The following IP6K3 variants were observed in gnomAD, a reference collection of about 807,000 sequenced individuals.
The protein encoded by IP6K3 is ATP:1D-myo-inositol-hexakisphosphate phosphotransferase.
A neutral mutation model predicts 28.8 loss-of-function variants in IP6K3; 20 were observed. The observed-to-expected ratio is 0.70, with a 90% CI of 0.49 to 1.01. The LOEUF (loss-of-function observed/expected upper bound fraction) is 1.01. IP6K3 is among the 50% of genes least tolerant of loss of function. The probability of loss-of-function intolerance (pLI) is 0.00; values close to 1 mark genes in which losing one functional copy is unlikely to be tolerated. For synonymous variants in IP6K3, 213 were observed against 221.3 expected (o/e 0.96, Z 0.33); for missense variants, 480 against 537.1 (o/e 0.89, Z 1.05).
At chr6:33,729,486 G>C (rs1766241705) in intron 2 of IP6K3, among the ~76,000 whole-genome samples, 2 of 152,152 alleles carry the variant, frequency 1.3e-5, no homozygotes, top group South Asian at 4.1e-4. Flanking sequence ...TTTGCCCAGT[G>C]GGGGGCACTG....
At chr6:33,743,965 C>T (rs1393795488) in intron 1 of IP6K3, among the ~76,000 whole-genome samples, 1 of 151,966 alleles carries the variant, frequency 6.6e-6, no homozygotes, top group Non-Finnish European at 1.5e-5. Context: ...ACCCTTCAGC[C>T]ACTGACAAAT....
At position 33,746,385 on chromosome 6, in the gene IP6K3, C is replaced by T. The variant is rs904822914; in HGVS notation, c.-180+373G>A. Among the ~76,000 whole-genome samples the T allele has an allele frequency of 1.3e-5, 2 of 152,126 alleles. No individual in the cohort carries two copies. The highest frequency in any genetic ancestry group is 2.9e-5 in the Non-Finnish European group (2 of 68,012). ...GCCTCTGTTAAGGGTTAACGCAGCC[C>T]CCGGTACTTGCCCCTCCCCCCAGCT... On this transcript the variant is annotated intron_variant, in intron 1 of 5. Transcript: ENST00000293756. This position sits in a 1 kb window ranked among gnomAD's most constrained non-coding sequence, Gnocchi z 6.5.
chr6:33,735,510 C>T lies in IP6K3; in HGVS notation c.-34G>A, dbSNP rs761545152. On this transcript the variant is annotated 5_prime_UTR_variant, in exon 2 of 6. In the 5' UTR this introduces an upstream ATG that the reference lacks. Transcript: ENST00000293756. ...ATGGTGGTGGTGGGGGGTCCCTGCA[C>T]AGTCTGCTAGAGGAAGGTTTGAAGT... The T allele has an allele frequency of 5.6e-6, 9 of 1,598,184 alleles. No homozygotes were observed. The South Asian group carries it at 1.0e-4, about 18-fold the overall frequency.
intron 1 of IP6K3, among the ~76,000 whole-genome samples, chr6:33,740,126 A>G (rs555405050): frequency 1.3e-5 from 2 of 152,224 alleles, no homozygotes; most frequent in African/African-American, 4.8e-5. Flanking sequence ...TTCAGCCCAC[A>G]TCTCCTCCCA....
intron 4 of IP6K3, among the ~76,000 whole-genome samples, chr6:33,725,857 T>C (rs993392465): frequency 6.6e-6 from 1 of 152,236 alleles, no homozygotes; most frequent in Non-Finnish European, 1.5e-5. Context: ...AGCTTTTTTT[T>C]CCTTTTACAT....
the IP6K3 span, among the ~76,000 whole-genome samples, chr6:33,756,867 T>G: frequency 6.6e-6 from 1 of 152,230 alleles, no homozygotes; most frequent in Non-Finnish European, 1.5e-5. Flanking sequence ...CTGCTGTGTT[T>G]GCAACACCGT....
rs369916301 is a variant in IP6K3, at chr6:33,726,842, C to T, written c.478G>A (p.Asp160Asn). The change falls in exon 4 of 6, where the codon GAC becomes AAC. Residue 160 changes from aspartate (D) to asparagine (N), a missense_variant. Physicochemically the swap from Asp to Asn is conservative, Grantham distance 23. Coordinates refer to ENST00000293756, the MANE Select transcript of IP6K3 (RefSeq NM_054111.5). ...CTCTCAACCTGGTTTCCGTTGGTGTCTTCCACCAGCGAGAAGGCTGGAGTG... is the reference window on the plus strand; with the variant it reads ...CTCTCAACCTGGTTTCCGTTGGTGTTTTCCACCAGCGAGAAGGCTGGAGTG... ...LNTPAFSLVE[D>N]TNGNQVERKS... is the part of the protein sequence containing the mutation. 1.2e-6 allele frequency: 2 copies of T among 1,613,500 alleles called. No homozygotes were observed. The highest frequency in any genetic ancestry group is 2.7e-5 in the African/African-American group (2 of 75,048).
chr6:33,748,086 A>G (rs1273849752), upstream of IP6K3, among the ~76,000 whole-genome samples: 3 of 152,068 alleles, frequency 2.0e-5, no homozygotes, highest in East Asian at 5.8e-4. Flanking sequence ...CTGGTGCCCC[A>G]CCTGCCTTTC....
chr6:33,751,739 C>T (rs1301977887), upstream of IP6K3, among the ~76,000 whole-genome samples: 1 of 152,168 alleles, frequency 6.6e-6, no homozygotes, highest in Non-Finnish European at 1.5e-5. The surrounding 1 kb of genome is among the most constrained non-coding windows in gnomAD (Gnocchi z 4.3). Context: ...GAATCTGGGG[C>T]CCCCACTCCT....
intron 1 of IP6K3, among the ~76,000 whole-genome samples, chr6:33,740,413 A>C (rs509539): frequency 0.52 from 79,115 of 152,196 alleles, 21,766 homozygotes; most frequent in African/African-American, 0.66. Context: ...TGGGGCGCAG[A>C]CACCGAGCTG....
In IP6K3 at chr6:33,726,767, G is replaced by A. The variant is rs371705640; in HGVS notation, c.553C>T (p.Arg185Cys). The A allele has an allele frequency of 2.2e-5, 36 of 1,604,230 alleles. No individual in the cohort carries two copies. The Admixed American group carries it at 2.8e-4, about 13-fold the overall frequency. ...GLQCHQAHLTRLCSEYPENKR... is the reference protein window; with the variant it reads ...GLQCHQAHLTCLCSEYPENKR... ...TTCTCTGGGTACTCGGAGCACAGGC[G>A]GGTCAGGTGGGCCTGGTGGCATTGC... Residue 185 changes from arginine to cysteine, a missense_variant, in exon 4 of 6, where the codon CGC (arginine) becomes TGC (cysteine). Physicochemically the swap from Arg to Cys is radical, Grantham distance 180 (BLOSUM62 -3). Transcript: ENST00000293756.
At chr6:33,753,965 T>C in the IP6K3 span, among the ~76,000 whole-genome samples, 1 of 152,218 alleles carries the variant, frequency 6.6e-6, no homozygotes, top group African/African-American at 2.4e-5. Context: ...CCCGCTACCA[T>C]GCCTGGCTAA....
At chr6:33,735,176 C>T in intron 2 of IP6K3, 102 bp downstream of exon 2, 1 of 996,646 alleles carries the variant, frequency 1.0e-6, no homozygotes, top group Non-Finnish European at 1.5e-6. Flanking sequence ...CTGTGGCAAC[C>T]CTTACACACA....
intron 2 of IP6K3, among the ~76,000 whole-genome samples, chr6:33,728,931 C>T (rs1419568503): frequency 6.6e-6 from 1 of 152,198 alleles, no homozygotes; most frequent in Non-Finnish European, 1.5e-5. Flanking sequence ...CTGCCATTTC[C>T]TCTGGTTAGA....
intron 1 of IP6K3, among the ~76,000 whole-genome samples, chr6:33,740,744 T>C (rs1316140666): frequency 1.3e-5 from 2 of 152,246 alleles, no homozygotes; most frequent in Non-Finnish European, 2.9e-5. Context: ...TTGTATCTTA[T>C]AACCGCTTTC....
At chr6:33,749,746 C>T (rs1766996018), upstream of IP6K3, among the ~76,000 whole-genome samples, 1 of 151,918 alleles carries the variant, frequency 6.6e-6, no homozygotes, top group Admixed American at 6.6e-5. Flanking sequence ...CGGCCCTGCC[C>T]TGAGCTCTTC....
chr6:33,730,577 G>T (rs1459749451), intron 2 of IP6K3, among the ~76,000 whole-genome samples: 1 of 152,212 alleles, frequency 6.6e-6, no homozygotes, highest in Non-Finnish European at 1.5e-5. Flanking sequence ...TGAGACAGGG[G>T]CTGACGGCAG....
At chr6:33,752,102 C>G in the IP6K3 span, among the ~76,000 whole-genome samples, 1 of 152,136 alleles carries the variant, frequency 6.6e-6, no homozygotes, top group Non-Finnish European at 1.5e-5. Flanking sequence ...CAGGACAGTG[C>G]TCAAGAAGTC....
At chr6:33,739,404 G>A (rs1338721032) in intron 1 of IP6K3, 1 of 152,132 alleles carries the variant, frequency 6.6e-6, no homozygotes, top group Non-Finnish European at 1.5e-5. Flanking sequence ...TCTGACACAG[G>A]TTGGTGGGAA....
Sources: allele counts gnomAD v4.1 joint callset (sites outside exome capture counted in the v4.1 genomes callset), GRCh38; gene constraint gnomAD v4.1.1; non-coding constraint Gnocchi (gnomAD v3.1); transcripts MANE v1.5; gene names NCBI Gene and HGNC (gene_info 2026-07-23, HGNC 2026-07-21).